AGBL2: variants seen among roughly 807,000 people sequenced by gnomAD.
AGBL2 encodes AGBL carboxypeptidase 2.
AGBL2 carries 87 observed loss-of-function variants against 103.0 expected under a neutral mutation model. The ratio of observed to expected loss-of-function variants is 0.84; its 90% CI spans 0.71 to 1.01. The LOEUF (loss-of-function observed/expected upper bound fraction) is 1.01. Among genes scored for constraint, AGBL2 ranks in the 50% least tolerant of loss-of-function variants. AGBL2 has a pLI of 0.00. For missense variants in AGBL2, 904 were observed against 1,023.5 expected (o/e 0.88, Z 1.59); for synonymous variants, 335 against 356.7 (o/e 0.94, Z 0.69).
At chr11:47,666,356 C>A (rs1196916675) in intron 17 of AGBL2, among the ~76,000 whole-genome samples, 1 of 148,304 alleles carries the variant, frequency 6.7e-6, no homozygotes, top group African/African-American at 2.5e-5. Flanking sequence ...ATTGCCTCTG[C>A]ACTCCAGCCT....
chr11:47,702,589 C>T (rs774649335), intron 7 of AGBL2, among the ~76,000 whole-genome samples: 25 of 152,072 alleles, frequency 1.6e-4, no homozygotes, highest in Non-Finnish European at 2.9e-4. Context: ...AAATGAGGAA[C>T]ATCCAGCTGG....
At chr11:47,691,639 C>A (rs528694850) in intron 9 of AGBL2, among the ~76,000 whole-genome samples, 1 of 140,032 alleles carries the variant, frequency 7.1e-6, no homozygotes, top group Non-Finnish European at 1.5e-5. Flanking sequence ...ACCTGGGAGG[C>A]GGAGCTTGCA....
intron 11 of AGBL2, among the ~76,000 whole-genome samples, chr11:47,685,590 T>G (rs2097420474): frequency 6.6e-6 from 1 of 152,040 alleles, no homozygotes; most frequent in Admixed American, 6.6e-5. Context: ...CCTGGCTACT[T>G]TTTGTATTTT....
At position 47,686,000 on chromosome 11, in the gene AGBL2, T is replaced by C; in HGVS notation, c.1681A>G (p.Ser561Gly). 6.2e-7 allele frequency: 1 copy of C among 1,614,092 alleles called. No individual in the cohort carries two copies. The highest frequency in any genetic ancestry group is 1.3e-5 in the African/African-American group (1 of 75,068). The change falls in exon 11 of 19, where the codon AGT (serine) becomes GGT (glycine). Residue 561 changes from serine to glycine, a missense_variant. By Grantham distance (56) the Ser-to-Gly change is moderately conservative. Coordinates refer to ENST00000525123, the MANE Select transcript of AGBL2 (RefSeq NM_024783.4). ...TACAGGAAGATATTATTCTTACGAC[T>C]GTGGCCATGGAAATCACAATACAAC... Reference protein sequence around the residue: ...VLLYCDFHGHSRKNNIFLYGC... With the variant: ...VLLYCDFHGHGRKNNIFLYGC...
intron 14 of AGBL2, among the ~76,000 whole-genome samples, chr11:47,669,274 C>A (rs1480608721): frequency 6.6e-6 from 1 of 152,144 alleles, no homozygotes; most frequent in Non-Finnish European, 1.5e-5. Flanking sequence ...CACTATGTTG[C>A]CTGGGCTAGT....
At chr11:47,670,868 G>C (rs188945442) in intron 14 of AGBL2, among the ~76,000 whole-genome samples, 1 of 151,906 alleles carries the variant, frequency 6.6e-6, no homozygotes, top group Non-Finnish European at 1.5e-5. Context: ...GGTGGTGTAC[G>C]CCTATAGTCC....
intron 3 of AGBL2, among the ~76,000 whole-genome samples, chr11:47,713,344 CAAAA>C (rs71045506): frequency 7.2e-5 from 4 of 55,580 alleles, no homozygotes; most frequent in Non-Finnish European, 1.4e-4. Context: ...GACTCTATCG[CAAAA>C]AAAAAAAAAA....
At chr11:47,682,801 C>G (rs996880640) in intron 11 of AGBL2, among the ~76,000 whole-genome samples, 8 of 152,050 alleles carry the variant, frequency 5.3e-5, no homozygotes, top group African/African-American at 1.9e-4. Flanking sequence ...ATCTCATTGT[C>G]CAGCGATTTT....
intron 4 of AGBL2, among the ~76,000 whole-genome samples, chr11:47,709,231 ATGTGGAAAATTGATTGGAGGG>A (rs1378238118): frequency 6.6e-6 from 1 of 152,218 alleles, no homozygotes; most frequent in Admixed American, 6.5e-5. Context: ...AAACACTGCT[ATGTGGAAAATTGATTGGAGGG>A]GGCGGGGCAG....
intron 3 of AGBL2, among the ~76,000 whole-genome samples, chr11:47,713,746 G>C (rs1002597537): frequency 6.6e-6 from 1 of 150,606 alleles, no homozygotes; most frequent in Non-Finnish European, 1.5e-5. Flanking sequence ...CCACCACCAC[G>C]CCCGGCTAAT....
intron 14 of AGBL2, among the ~76,000 whole-genome samples, chr11:47,669,479 A>C (rs2097350785): frequency 6.6e-6 from 1 of 152,018 alleles, no homozygotes; most frequent in Non-Finnish European, 1.5e-5. Flanking sequence ...CAGGAGTTTG[A>C]GACCACCCGG....
At position 47,704,466 on chromosome 11, in the gene AGBL2, G is replaced by C; in HGVS notation, c.586+77C>G. The C allele has an allele frequency of 7.1e-6, 9 of 1,273,104 alleles. No homozygotes were observed. In the South Asian group the frequency reaches 1.0e-4, roughly 14 times the overall value. The allele number at this position is 1,273,104 out of a possible 1,614,324, so 78.9% of individuals were successfully genotyped here. On this transcript the variant is annotated intron_variant, in intron 7 of 18. Coordinates refer to ENST00000525123, the MANE Select transcript of AGBL2 (RefSeq NM_024783.4). ...CCATTGCACTCCAGCCTGGGAAATA[G>C]AGTGAGACTTCGTCTCAAAAAAAAA...
intron 15 of AGBL2, 101 bp from the exon 16 acceptor site, chr11:47,667,797 C>A: frequency 7.8e-7 from 1 of 1,280,038 alleles, no homozygotes; most frequent in Admixed American, 2.2e-5. Context: ...AAGGCTAACT[C>A]GGTATGCAGA....
At chr11:47,689,378 C>G (rs2097436282) in intron 10 of AGBL2, among the ~76,000 whole-genome samples, 1 of 148,186 alleles carries the variant, frequency 6.7e-6, no homozygotes. Context: ...GCTCTTGGCT[C>G]ACTGCAATCT....
chr11:47,670,038 A>G (rs2097352724), intron 14 of AGBL2, among the ~76,000 whole-genome samples: 2 of 152,268 alleles, frequency 1.3e-5, no homozygotes, highest in African/African-American at 4.8e-5. Context: ...AAGAGTTTGC[A>G]GTCCATATGG....
In AGBL2 at chr11:47,681,982, G is replaced by A. The variant is rs1211902453; in HGVS notation, c.1902C>T (p.Gly634=). 6 of 1,613,804 alleles carry A rather than the reference G, an allele frequency of 3.7e-6. No homozygotes were observed. In the African/African-American group the frequency reaches 4.0e-5, roughly 11 times the overall value. ...AAGAGAATGTACCCAGGGTGGACCC[G>A]CCAAAGGTAGACTCCATGGTGTAGC... ...LNSYTMESTF[G]GSTLGNKRDT... is the part of the protein sequence containing the mutation. Residue 634 remains glycine (G), a synonymous_variant, in exon 12 of 19, where the codon GGC becomes GGT. Coordinates refer to ENST00000525123, the MANE Select transcript of AGBL2 (RefSeq NM_024783.4).
chr11:47,691,218 C>T (rs1324893019), intron 9 of AGBL2, among the ~76,000 whole-genome samples: 2 of 151,580 alleles, frequency 1.3e-5, no homozygotes, highest in Non-Finnish European at 2.9e-5. Flanking sequence ...GAGCTGAGAT[C>T]GTGCCATTGC....
intron 10 of AGBL2, among the ~76,000 whole-genome samples, chr11:47,686,447 G>GT (rs563969184): frequency 0.17 from 17,923 of 105,116 alleles, 1,759 homozygotes; most frequent in Non-Finnish European, 0.2. Flanking sequence ...TTTGTTTCTG[G>GT]TTTTTTTTTT....
At chr11:47,672,473 A>C (rs1350981843) in intron 14 of AGBL2, among the ~76,000 whole-genome samples, 7 of 152,004 alleles carry the variant, frequency 4.6e-5, no homozygotes, top group Non-Finnish European at 2.9e-5. Context: ...AGTCACCATG[A>C]CTGGCTACTT....
Sources: allele counts gnomAD v4.1 joint callset (sites outside exome capture counted in the v4.1 genomes callset), GRCh38; gene constraint gnomAD v4.1.1; transcripts MANE v1.5; gene names NCBI Gene and HGNC (gene_info 2026-07-23, HGNC 2026-07-21).